The following GPC6 variants were observed in gnomAD, a reference collection of about 807,000 sequenced individuals.
The protein encoded by GPC6 is glypican-6.
GPC6 carries 14 observed loss-of-function variants against 55.2 expected under a neutral mutation model. The ratio of observed to expected loss-of-function variants is 0.25; its 90% confidence interval spans 0.17 to 0.40. The LOEUF (loss-of-function observed/expected upper bound fraction) is 0.40, where lower values mean the gene tolerates loss of function less well. GPC6 is among the 10% of genes least tolerant of loss of function. GPC6 has a pLI of 1.00. For synonymous variants in GPC6, 278 were observed against 259.6 expected (o/e 1.07, Z -0.68); for missense variants, 641 against 708.5 (o/e 0.90, Z 1.08).
chr13:93,467,960 G>A (rs1878975310), intron 1 of GPC6, among the ~76,000 whole-genome samples: 2 of 152,058 alleles, frequency 1.3e-5, no homozygotes, highest in Non-Finnish European at 2.9e-5. Context: ...GGTCTTGTGA[G>A]CTTGAATGTT....
intron 1 of GPC6, among the ~76,000 whole-genome samples, chr13:93,460,435 A>C (rs2139313878): frequency 6.6e-6 from 1 of 152,158 alleles, no homozygotes; most frequent in South Asian, 2.1e-4. Context: ...CAATAAAGTT[A>C]GGTTAAGAAT....
At chr13:93,616,265 A>C (rs1244896613) in intron 2 of GPC6, among the ~76,000 whole-genome samples, 1 of 152,156 alleles carries the variant, frequency 6.6e-6, no homozygotes, top group Non-Finnish European at 1.5e-5. Flanking sequence ...GAATATAAAT[A>C]GGAAGACTAT....
chr13:93,606,217 C>T (rs7982191), intron 2 of GPC6, among the ~76,000 whole-genome samples: 23,332 of 152,122 alleles, frequency 0.15, 5,836 homozygotes, highest in African/African-American at 0.52. Flanking sequence ...AATGAGTGCA[C>T]GGACAATGGA....
At chr13:93,526,030 A>T (rs191968203) in intron 1 of GPC6, among the ~76,000 whole-genome samples, 1 of 152,078 alleles carries the variant, frequency 6.6e-6, no homozygotes, top group Non-Finnish European at 1.5e-5. Context: ...GTTAACAAAG[A>T]TGTATGATAT....
chr13:93,360,824 C>T (rs575320500), intron 1 of GPC6, among the ~76,000 whole-genome samples: 1 of 152,130 alleles, frequency 6.6e-6, no homozygotes, highest in East Asian at 1.9e-4. Flanking sequence ...TATTTCTATC[C>T]TTCTTCCCTT....
intron 1 of GPC6, among the ~76,000 whole-genome samples, chr13:93,380,073 C>T (rs1875094648): frequency 6.6e-6 from 1 of 151,672 alleles, no homozygotes; most frequent in Non-Finnish European, 1.5e-5. Flanking sequence ...GGGATATTTA[C>T]ATTTTATTTA....
intron 3 of GPC6, among the ~76,000 whole-genome samples, chr13:93,932,589 T>C (rs2140355864): frequency 6.6e-6 from 1 of 152,264 alleles, no homozygotes; most frequent in South Asian, 2.1e-4. Context: ...AAATATTATA[T>C]TATATCTGAG....
intron 1 of GPC6, among the ~76,000 whole-genome samples, chr13:93,279,836 TTACAG>T (rs1295642640): frequency 6.6e-6 from 1 of 152,218 alleles, no homozygotes; most frequent in East Asian, 1.9e-4. Context: ...TTTGCTTACT[TTACAG>T]TATTCGTTTT....
chr13:93,833,012 G>T (rs1426988239), intron 3 of GPC6, among the ~76,000 whole-genome samples: 1 of 151,458 alleles, frequency 6.6e-6, no homozygotes, highest in East Asian at 1.9e-4. Flanking sequence ...AAAATTATAA[G>T]CCCCATCCTG....
intron 4 of GPC6, among the ~76,000 whole-genome samples, chr13:94,244,626 A>G (rs1891146529): frequency 6.6e-6 from 1 of 152,182 alleles, no homozygotes; most frequent in Admixed American, 6.6e-5. Flanking sequence ...AAAAATAGTC[A>G]TAAGGTTAAA....
At chr13:93,502,290 G>A (rs868315964) in intron 1 of GPC6, among the ~76,000 whole-genome samples, 2 of 151,934 alleles carry the variant, frequency 1.3e-5, no homozygotes, top group African/African-American at 2.4e-5. Context: ...GAGTGAGAGC[G>A]AGAGAGCAAG....
rs577331042 is a variant in GPC6 at position 93,798,745 on chromosome 13, C to A, written c.320-31409C>A. Among the ~76,000 whole-genome samples the A allele has an allele frequency of 6.6e-5, 10 of 151,884 alleles. No individual in the cohort carries two copies. In the South Asian group the frequency reaches 1.9e-3, roughly 28 times the overall value. On this transcript the variant is annotated intron_variant, in intron 2 of 8. Coordinates refer to ENST00000377047, the MANE Select transcript of GPC6 (RefSeq NM_005708.5). The stretch of plus-strand genomic sequence containing the variant: ...ATCAGCCTGGCTAACATGGTGAAAA[C>A]CCATCTCTACTAAAAATACAAAAAT...
At chr13:93,289,210 A>G (rs1197028964) in intron 1 of GPC6, among the ~76,000 whole-genome samples, 1 of 152,202 alleles carries the variant, frequency 6.6e-6, no homozygotes, top group African/African-American at 2.4e-5. Context: ...AATGCACACC[A>G]GCAGGAGACA....
chr13:93,554,197 A>C (rs538294384), intron 2 of GPC6, among the ~76,000 whole-genome samples: 1 of 152,022 alleles, frequency 6.6e-6, no homozygotes, highest in Non-Finnish European at 1.5e-5. Context: ...ACAGGACTGA[A>C]GATATCCAGA....
At chr13:93,937,159 T>C (rs1446724832) in intron 3 of GPC6, among the ~76,000 whole-genome samples, 1 of 152,240 alleles carries the variant, frequency 6.6e-6, no homozygotes, top group Non-Finnish European at 1.5e-5. Context: ...CAGTGATTTC[T>C]TTCCTGTTAC....
intron 2 of GPC6, among the ~76,000 whole-genome samples, chr13:93,697,959 A>G (rs1488767222): frequency 1.3e-5 from 2 of 152,138 alleles, no homozygotes; most frequent in African/African-American, 4.8e-5. Flanking sequence ...ATTTATCTTG[A>G]CAAATGAAGT....
chr13:93,354,212 G>A (rs1379985491), intron 1 of GPC6, among the ~76,000 whole-genome samples: 3 of 152,100 alleles, frequency 2.0e-5, no homozygotes, highest in South Asian at 2.1e-4. Flanking sequence ...GGAAAATGGC[G>A]ACTAGCAATA....
At chr13:94,040,690 A>G (rs1883499779) in intron 4 of GPC6, among the ~76,000 whole-genome samples, 1 of 151,842 alleles carries the variant, frequency 6.6e-6, no homozygotes, top group Non-Finnish European at 1.5e-5. Flanking sequence ...GGCCAGATGA[A>G]AGGCTGAGCC....
intron 6 of GPC6, among the ~76,000 whole-genome samples, chr13:94,311,226 T>G (rs1056409063): frequency 3.3e-5 from 5 of 152,176 alleles, no homozygotes; most frequent in African/African-American, 1.2e-4. Flanking sequence ...CACTTTTTTT[T>G]TTTTTTGAGA....
Sources: allele counts gnomAD v4.1 joint callset (sites outside exome capture counted in the v4.1 genomes callset), GRCh38; gene constraint gnomAD v4.1.1; transcripts MANE v1.5; gene names NCBI Gene and HGNC (gene_info 2026-07-23, HGNC 2026-07-21).